MTCL2: variants seen among roughly 807,000 people sequenced by gnomAD.
The protein encoded by MTCL2 is microtubule cross-linking factor 2.
chr20:36,823,110 A>T, the MTCL2 span, among the ~76,000 whole-genome samples: 1 of 152,174 alleles, frequency 6.6e-6, no homozygotes, highest in Non-Finnish European at 1.5e-5. Context: ...TCAAAGATTT[A>T]GGCATTCATT....
the MTCL2 span, among the ~76,000 whole-genome samples, chr20:36,828,404 G>A: frequency 6.6e-6 from 1 of 152,160 alleles, no homozygotes; most frequent in Non-Finnish European, 1.5e-5. Context: ...AAATGTTTGA[G>A]ATAAACTGTC....
At chr20:36,813,752 C>CAAAAAAAAAAAAAAAAAAAA in the MTCL2 span, among the ~76,000 whole-genome samples, 16 of 65,762 alleles carry the variant, frequency 2.4e-4, no homozygotes, top group South Asian at 1.0e-3. Flanking sequence ...GACTCTGTCT[C>CAAAAAAAAAAAAAAAAAAAA]AAAAAAAAAA....
the MTCL2 span, chr20:36,794,725 T>C: frequency 4.0e-6 from 5 of 1,253,586 alleles, no homozygotes; most frequent in East Asian, 2.4e-5. The surrounding 1 kb of genome is among the most constrained non-coding windows in gnomAD (Gnocchi z 5.4). Flanking sequence ...TCACCTCTTG[T>C]AGAGATGTTG....
At chr20:36,825,955 C>T in the MTCL2 span, among the ~76,000 whole-genome samples, 1 of 152,142 alleles carries the variant, frequency 6.6e-6, no homozygotes, top group Non-Finnish European at 1.5e-5. Flanking sequence ...GGGCTCTTTA[C>T]AAGCTTTACC....
chr20:36,847,747 A>G, the MTCL2 span, among the ~76,000 whole-genome samples: 3 of 151,738 alleles, frequency 2.0e-5, no homozygotes, highest in African/African-American at 7.3e-5. Context: ...TCAGATACTC[A>G]GGAGGCTGCA....
At chr20:36,793,173 C>G in the MTCL2 span, 1 of 1,456,782 alleles carries the variant, frequency 6.9e-7, no homozygotes, top group Admixed American at 2.5e-5. The surrounding 1 kb of genome is among the most constrained non-coding windows in gnomAD (Gnocchi z 6.8). Flanking sequence ...TATCTCTGAA[C>G]TTAAAAACCA....
chr20:36,853,304 T>C, the MTCL2 span, among the ~76,000 whole-genome samples: 1 of 152,194 alleles, frequency 6.6e-6, no homozygotes, highest in East Asian at 1.9e-4. Flanking sequence ...ATTCTCTCAC[T>C]GCAGCCCGAG....
At chr20:36,797,376 A>G in the MTCL2 span, 1 of 921,508 alleles carries the variant, frequency 1.1e-6, no homozygotes, top group Non-Finnish European at 1.6e-6. Context: ...AGGGCTGAGG[A>G]GCCCAAGGTG....
At chr20:36,851,104 G>A in the MTCL2 span, among the ~76,000 whole-genome samples, 1 of 152,182 alleles carries the variant, frequency 6.6e-6, no homozygotes, top group African/African-American at 2.4e-5. Context: ...TGAAGGAACT[G>A]TTCTATATCT....
At chr20:36,837,815 G>T in the MTCL2 span, among the ~76,000 whole-genome samples, 2 of 152,118 alleles carry the variant, frequency 1.3e-5, no homozygotes, top group East Asian at 3.9e-4. Flanking sequence ...GACCTCAGGT[G>T]ATCTGCCCGC....
chr20:36,778,119 G>A, the MTCL2 span: 2 of 341,558 alleles, frequency 5.9e-6, no homozygotes, highest in Non-Finnish European at 1.1e-5. Context: ...GCAGGAGCAG[G>A]GAAACAAACA....
At chr20:36,817,818 C>G in the MTCL2 span, among the ~76,000 whole-genome samples, 14 of 152,344 alleles carry the variant, frequency 9.2e-5, no homozygotes, top group African/African-American at 3.4e-4. Flanking sequence ...TTCCTGAGCA[C>G]CTATCAAGCG....
At chr20:36,829,940 G>A in the MTCL2 span, among the ~76,000 whole-genome samples, 3 of 152,068 alleles carry the variant, frequency 2.0e-5, no homozygotes, top group Non-Finnish European at 2.9e-5. Context: ...CAGAGGCTGC[G>A]GTGAGCCAAA....
At chr20:36,818,138 T>C in the MTCL2 span, among the ~76,000 whole-genome samples, 6 of 152,262 alleles carry the variant, frequency 3.9e-5, no homozygotes, top group African/African-American at 1.4e-4. Flanking sequence ...CTTCCAGCTC[T>C]GCCTCACTCC....
the MTCL2 span, chr20:36,786,092 C>T: frequency 8.2e-4 from 814 of 988,290 alleles, 10 homozygotes; most frequent in African/African-American, 0.013. Context: ...AACATCTCTC[C>T]GACTCCTTTT....
At chr20:36,822,072 C>A in the MTCL2 span, among the ~76,000 whole-genome samples, 1 of 152,242 alleles carries the variant, frequency 6.6e-6, no homozygotes, top group East Asian at 1.9e-4. Flanking sequence ...CTTCCCCCAC[C>A]TTATCTAAGC....
chr20:36,825,545 C>T, the MTCL2 span, among the ~76,000 whole-genome samples: 3 of 152,182 alleles, frequency 2.0e-5, no homozygotes, highest in Admixed American at 1.3e-4. Flanking sequence ...ACAGTGCCAC[C>T]GCAGCCCTCG....
the MTCL2 span, among the ~76,000 whole-genome samples, chr20:36,812,523 G>C: frequency 6.6e-6 from 1 of 152,234 alleles, no homozygotes; most frequent in Non-Finnish European, 1.5e-5. Context: ...ATCAGGCCAT[G>C]AGAATGTCCC....
the MTCL2 span, among the ~76,000 whole-genome samples, chr20:36,850,528 C>CAAAAAAAAAAG: frequency 2.9e-5 from 4 of 136,576 alleles, no homozygotes; most frequent in Non-Finnish European, 4.8e-5. Context: ...TGTGTTTGAC[C>CAAAAAAAAAAG]AAAAAAAAAA....
Sources: allele counts gnomAD v4.1 joint callset (sites outside exome capture counted in the v4.1 genomes callset), GRCh38; gene constraint gnomAD v4.1.1; non-coding constraint Gnocchi (gnomAD v3.1); transcripts MANE v1.5; gene names NCBI Gene and HGNC (gene_info 2026-07-23, HGNC 2026-07-21).